RB1: variants seen among roughly 807,000 people sequenced by gnomAD.
RB1 encodes the protein RB transcriptional corepressor 1.
In RB1, 18 loss-of-function variants were observed where a neutral mutation model predicts 135.4. The ratio of observed to expected loss-of-function variants is 0.13; its 90% CI spans 0.09 to 0.20. The LOEUF is 0.20. Among genes scored for constraint, RB1 ranks in the 10% least tolerant of loss-of-function variants. RB1 has a pLI of 1.00. For synonymous variants in RB1, 365 were observed against 373.2 expected (o/e 0.98, Z 0.25); for missense variants, 868 against 1,110.0 (o/e 0.78, Z 3.10).
intron 17 of RB1, among the ~76,000 whole-genome samples, chr13:48,452,055 A>G (rs940652542): frequency 4.6e-5 from 7 of 152,008 alleles, no homozygotes; most frequent in African/African-American, 1.7e-4. Flanking sequence ...TTTTCAAAAA[A>G]TAAGCTCCTG....
At chr13:48,422,994 G>A (rs561231253) in intron 17 of RB1, among the ~76,000 whole-genome samples, 43 of 152,028 alleles carry the variant, frequency 2.8e-4, no homozygotes, top group Non-Finnish European at 5.7e-4. Flanking sequence ...GCCAAGTGTG[G>A]TGGTGGGCAC....
chr13:48,386,447 A>G (rs557169772), intron 17 of RB1, among the ~76,000 whole-genome samples: 2 of 152,312 alleles, frequency 1.3e-5, no homozygotes, highest in East Asian at 1.9e-4. Flanking sequence ...GTTGCATACC[A>G]AAGTATGATA....
Position 48,367,430 on chromosome 13 carries a change from C to T in RB1, c.940-64C>T. On this transcript the variant is annotated intron_variant, in intron 9 of 26. Transcript: ENST00000267163. ...AAAAATTCTTTAATGAAATCTGTGC[C>T]TCTGTGTGCTGAGAGATGTAATGAC... 2.6e-6 allele frequency: 4 copies of T among 1,549,332 alleles called. No homozygotes were observed. The South Asian group carries it at 4.6e-5, about 18-fold the overall frequency.
intron 2 of RB1, chr13:48,317,245 G>A (rs1236936046): frequency 2.5e-6 from 1 of 406,038 alleles, no homozygotes; most frequent in East Asian, 4.2e-5. Flanking sequence ...TTCCAAAATG[G>A]AAGAGCTGGG....
intron 17 of RB1, among the ~76,000 whole-genome samples, chr13:48,414,734 A>G (rs1276418203): frequency 6.6e-6 from 1 of 152,160 alleles, no homozygotes; most frequent in Non-Finnish European, 1.5e-5. Context: ...GATGAACTAT[A>G]ATCTATTTCT....
intron 17 of RB1, among the ~76,000 whole-genome samples, chr13:48,423,815 C>CAAGA (rs1251795248): frequency 6.6e-6 from 1 of 152,172 alleles, no homozygotes; most frequent in African/African-American, 2.4e-5. Flanking sequence ...GAGGCTGAGA[C>CAAGA]AAGAGGATCA....
In RB1 at chr13:48,386,968, C is replaced by G. The variant is rs1475558412; in HGVS notation, c.1695+5525C>G. On this transcript the variant is annotated intron_variant, in intron 17 of 26. Coordinates refer to ENST00000267163, the MANE Select transcript of RB1 (RefSeq NM_000321.3). ...CGGTTCATTGAGATTGTTTCCAGTTCCGCCCTGCAACTAACCTTTAAGAAA... is the reference window on the plus strand; with the variant it reads ...CGGTTCATTGAGATTGTTTCCAGTTGCGCCCTGCAACTAACCTTTAAGAAA... 2.0e-5 allele frequency among the ~76,000 whole-genome samples: 3 copies of G among 152,250 alleles called. No homozygotes were observed. In the East Asian group the frequency reaches 5.8e-4, roughly 29 times the overall value.
In RB1 at chr13:48,381,372, T is replaced by C. The variant is rs2138145464; in HGVS notation, c.1624T>C (p.Leu542=). Residue 542 remains leucine (L), a synonymous_variant, in exon 17 of 27, where the codon TTG becomes CTG. Coordinates refer to ENST00000267163, the MANE Select transcript of RB1 (RefSeq NM_000321.3). ...IESFIKAEGN[L]TREMIKHLER... ...AAGTTTTATCAAAGCAGAAGGCAACTTGACAAGAGAAATGATAAAACATTT... is the reference window on the plus strand; with the variant it reads ...AAGTTTTATCAAAGCAGAAGGCAACCTGACAAGAGAAATGATAAAACATTT... 1.2e-6 allele frequency: 2 copies of C among 1,612,448 alleles called. No homozygotes were observed. Among genetic ancestry groups the C allele is most frequent in the Non-Finnish European group, 1.7e-6 (2 of 1,179,138 alleles).
intron 21 of RB1, 138 bp from the exon 22 acceptor site, chr13:48,464,860 A>G: frequency 1.1e-6 from 1 of 926,726 alleles, no homozygotes. Flanking sequence ...TTTTTCCTTT[A>G]TAATATGTGC....
Position 48,319,218 on chromosome 13 carries a change from C to T in RB1, c.264+11812C>T. On this transcript the variant is annotated intron_variant, in intron 2 of 26. Transcript: ENST00000267163. The surrounding 1 kb of genome is among the most constrained non-coding windows in gnomAD (Gnocchi z 5.0). ...CTTGGTGGCCACTGGCTTCCTCTAG[C>T]TGGGTGTTTTCCTGTGGGTCTCGCG... 1 of 775,354 alleles carries T rather than the reference C, an allele frequency of 1.3e-6. No homozygotes were observed. Among genetic ancestry groups the T allele is most frequent in the Non-Finnish European group, 2.0e-6 (1 of 509,390 alleles). The allele number at this position is 775,354 out of a possible 1,614,324, so 48.0% of individuals were successfully genotyped here.
intron 6 of RB1, among the ~76,000 whole-genome samples, chr13:48,355,205 C>G (rs1952579980): frequency 6.6e-6 from 1 of 151,890 alleles, no homozygotes; most frequent in Non-Finnish European, 1.5e-5. Flanking sequence ...ATAAGGAACC[C>G]AAACAACTCT....
At chr13:48,322,919 A>ATT (rs200779520) in intron 2 of RB1, among the ~76,000 whole-genome samples, 79 of 148,380 alleles carry the variant, frequency 5.3e-4, no homozygotes, top group African/African-American at 1.8e-3. Context: ...TGGTTTGCTA[A>ATT]TTTTTTTTTT....
At chr13:48,411,860 G>A (rs1948811927) in intron 17 of RB1, 1 of 1,613,564 alleles carries the variant, frequency 6.2e-7, no homozygotes, top group Non-Finnish European at 8.5e-7. Context: ...CCACTATTTC[G>A]ATGAAAATTA....
intron 21 of RB1, 40 bp from the exon 22 acceptor site, chr13:48,464,958 C>CTTTTTATTTTTTT: frequency 1.2e-6 from 1 of 831,616 alleles, no homozygotes; most frequent in Non-Finnish European, 1.6e-6. Context: ...GTAAATTTTA[C>CTTTTTATTTTTTT]TTTTTTTTTT....
At chr13:48,328,521 C>A (rs1205716482) in intron 2 of RB1, 2 of 767,212 alleles carry the variant, frequency 2.6e-6, no homozygotes, top group Admixed American at 1.8e-5. Context: ...CAGCTCATTG[C>A]GACTTTTCCG....
intron 26 of RB1, among the ~76,000 whole-genome samples, chr13:48,479,638 T>TG (rs1257893594): frequency 1.3e-5 from 2 of 151,982 alleles, no homozygotes; most frequent in Non-Finnish European, 2.9e-5. Flanking sequence ...ACTGTTTTTT[T>TG]GGGGGGTGGG....
At chr13:48,373,260 C>T in intron 11 of RB1, 145 bp from the exon 12 acceptor site, 35 of 583,840 alleles carry the variant, frequency 6.0e-5, no homozygotes, top group South Asian at 9.5e-5. Flanking sequence ...TCTTATAAAC[C>T]ACAGTCTTAT....
Position 48,304,539 on chromosome 13 carries a change from C to T in RB1, c.137+490C>T, listed in dbSNP as rs74074197. On this transcript the variant is annotated intron_variant, in intron 1 of 26. Transcript: ENST00000267163. ...TCTGAAGTCCATTTGTGGGAGAGGC[C>T]GACCAGAAAGCCTTGGACAAGAAGC... 5.5e-3 allele frequency among the ~76,000 whole-genome samples: 841 copies of T among 152,084 alleles called. 6 individuals carry two copies. Among genetic ancestry groups the T allele is most frequent in the Non-Finnish European group, 6.2e-3 (423 of 67,988 alleles).
intron 17 of RB1, among the ~76,000 whole-genome samples, chr13:48,394,461 G>A (rs540888202): frequency 8.2e-4 from 125 of 152,284 alleles, no homozygotes; most frequent in Admixed American, 3.9e-3. Context: ...CTACCTCAGC[G>A]GATCCCACCC....
Sources: allele counts gnomAD v4.1 joint callset (sites outside exome capture counted in the v4.1 genomes callset), GRCh38; gene constraint gnomAD v4.1.1; non-coding constraint Gnocchi (gnomAD v3.1); transcripts MANE v1.5; gene names NCBI Gene and HGNC (gene_info 2026-07-23, HGNC 2026-07-21).